GRID2: variants seen among roughly 807,000 people sequenced by gnomAD.
The protein encoded by GRID2 is glutamate receptor ionotropic, delta-2.
In GRID2, 33 loss-of-function variants were observed where a neutral mutation model predicts 114.8. The ratio of observed to expected loss-of-function variants is 0.29; its 90% CI spans 0.22 to 0.38. The LOEUF is 0.38. GRID2 is among the 10% of genes least tolerant of loss of function. The probability of loss-of-function intolerance (pLI) is 1.00; values close to 1 mark genes in which losing one functional copy is unlikely to be tolerated. For synonymous variants in GRID2, 505 were observed against 449.9 expected (o/e 1.12, Z -1.55); for missense variants, 1,184 against 1,257.7 (o/e 0.94, Z 0.89).
chr4:92,700,790 A>T (rs571700135), intron 2 of GRID2, among the ~76,000 whole-genome samples: 1 of 152,244 alleles, frequency 6.6e-6, no homozygotes, highest in African/African-American at 2.4e-5. Flanking sequence ...CAGGAGATGG[A>T]GACCATCCTT....
intron 2 of GRID2, among the ~76,000 whole-genome samples, chr4:92,867,186 T>C (rs887107993): frequency 8.5e-5 from 13 of 152,166 alleles, no homozygotes; most frequent in African/African-American, 3.1e-4. Context: ...TAATAACATA[T>C]TGGTTATTGC....
At chr4:92,642,610 G>T (rs548454104) in intron 2 of GRID2, among the ~76,000 whole-genome samples, 36 of 151,428 alleles carry the variant, frequency 2.4e-4, no homozygotes, top group African/African-American at 8.0e-4. Flanking sequence ...TAGTCTTTTT[G>T]TTGTTGTTGT....
At chr4:93,029,231 T>A (rs1724164039) in intron 2 of GRID2, among the ~76,000 whole-genome samples, 1 of 152,108 alleles carries the variant, frequency 6.6e-6, no homozygotes, top group African/African-American at 2.4e-5. Flanking sequence ...CTTTAAACTT[T>A]AGTACTGAAT....
At chr4:92,811,610 A>C (rs1207006379) in intron 2 of GRID2, among the ~76,000 whole-genome samples, 1 of 152,112 alleles carries the variant, frequency 6.6e-6, no homozygotes, top group Non-Finnish European at 1.5e-5. Context: ...CTAGAGGTCC[A>C]GGATTGTATT....
At chr4:92,537,784 G>GGTGTGTGTGTGT (rs70942907) in intron 1 of GRID2, among the ~76,000 whole-genome samples, 113 of 125,996 alleles carry the variant, frequency 9.0e-4, no homozygotes, top group African/African-American at 6.4e-4. Context: ...AAAAACTTGC[G>GGTGTGTGTGTGT]GTGTGTGTGT....
chr4:93,734,316 T>A (rs1250101397), intron 14 of GRID2, among the ~76,000 whole-genome samples: 5 of 152,064 alleles, frequency 3.3e-5, no homozygotes, highest in African/African-American at 4.8e-5. Flanking sequence ...GTCATGAGAT[T>A]AGGCTCATCT....
intron 13 of GRID2, among the ~76,000 whole-genome samples, chr4:93,591,802 G>C (rs1238870052): frequency 2.0e-5 from 3 of 152,156 alleles, no homozygotes; most frequent in Non-Finnish European, 4.4e-5. Flanking sequence ...TATGTGTCGA[G>C]GAATTTATCC....
intron 1 of GRID2, among the ~76,000 whole-genome samples, chr4:92,352,759 G>T (rs1728130885): frequency 6.6e-6 from 1 of 151,692 alleles, no homozygotes; most frequent in Non-Finnish European, 1.5e-5. Flanking sequence ...TAATTGGGTT[G>T]TTTAAATTTG....
chr4:92,356,146 T>C (rs906633005), intron 1 of GRID2, among the ~76,000 whole-genome samples: 4 of 151,642 alleles, frequency 2.6e-5, no homozygotes, highest in South Asian at 2.1e-4. Flanking sequence ...AACTTTCATA[T>C]TTTAAAAAAA....
chr4:92,519,894 G>C (rs1338462935), intron 1 of GRID2, among the ~76,000 whole-genome samples: 3 of 151,794 alleles, frequency 2.0e-5, no homozygotes, highest in Non-Finnish European at 2.9e-5. Flanking sequence ...TCAGTCCTTT[G>C]GATAAGGTCC....
At chr4:92,851,433 T>A (rs1326524683) in intron 2 of GRID2, among the ~76,000 whole-genome samples, 1 of 151,956 alleles carries the variant, frequency 6.6e-6, no homozygotes. Context: ...TATATTTCAT[T>A]GTAGTTATTT....
intron 2 of GRID2, among the ~76,000 whole-genome samples, chr4:92,718,971 A>G (rs946911730): frequency 1.3e-5 from 2 of 151,858 alleles, no homozygotes; most frequent in African/African-American, 4.8e-5. Flanking sequence ...CAGTTTCTTG[A>G]TGAAAATATC....
intron 8 of GRID2, among the ~76,000 whole-genome samples, chr4:93,328,707 T>TTGGA (rs34951218): frequency 0.15 from 22,447 of 149,734 alleles, 2,093 homozygotes; most frequent in African/African-American, 0.28. Context: ...GGATGGATGG[T>TTGGA]TGGATGGATG....
intron 1 of GRID2, among the ~76,000 whole-genome samples, chr4:93,792,727 G>T (rs1734718234): frequency 6.6e-6 from 1 of 152,182 alleles, no homozygotes; most frequent in African/African-American, 2.4e-5. Context: ...CCAAGAAAGA[G>T]AACACATCAG....
intron 13 of GRID2, among the ~76,000 whole-genome samples, chr4:93,551,774 C>T (rs1204497728): frequency 6.6e-6 from 1 of 152,112 alleles, no homozygotes; most frequent in Non-Finnish European, 1.5e-5. Context: ...TGCTTTTGCA[C>T]CAACCTAAAC....
intron 2 of GRID2, among the ~76,000 whole-genome samples, chr4:92,674,345 G>A (rs1312466482): frequency 6.6e-6 from 1 of 151,584 alleles, no homozygotes; most frequent in African/African-American, 2.4e-5. Flanking sequence ...CTATACTTCA[G>A]TTCAATAGAT....
chr4:93,160,610 A>T (rs941168144), intron 4 of GRID2, among the ~76,000 whole-genome samples: 1 of 151,840 alleles, frequency 6.6e-6, no homozygotes, highest in African/African-American at 2.4e-5. Flanking sequence ...TCAAAAAGAT[A>T]CTGGAGCAAT....
rs548402491 is a variant in GRID2 at position 93,615,454 on chromosome 4, CTT to C, written c.2194-10813_2194-10812del. On this transcript the variant is annotated intron_variant, in intron 13 of 15. Coordinates refer to ENST00000282020, the MANE Select transcript of GRID2 (RefSeq NM_001510.4). ...GTTTTAGTAAAGAAATAGAGAAAGT[CTT>C]TATAGTAGCATGATTTATAATCCTT... Among the ~76,000 whole-genome samples the C allele has an allele frequency of 4.6e-5, 7 of 152,178 alleles. 1 individual carries two copies. In the South Asian group the frequency reaches 1.5e-3, roughly 32 times the overall value.
At chr4:93,809,058 G>A (rs17021163) in exon 2 of GRID2, 13,159 of 152,016 alleles carry the variant, frequency 0.087, 751 homozygotes, top group East Asian at 0.19. Flanking sequence ...TTGATTTGTC[G>A]ACTCCCTGTC....
Sources: allele counts gnomAD v4.1 joint callset (sites outside exome capture counted in the v4.1 genomes callset), GRCh38; gene constraint gnomAD v4.1.1; transcripts MANE v1.5; gene names NCBI Gene and HGNC (gene_info 2026-07-23, HGNC 2026-07-21).